Variants in PABPC1 observed in about 807,000 individuals in gnomAD.
PABPC1 encodes polyadenylate-binding protein 1.
Under a neutral mutation model 74.0 loss-of-function variants are expected in PABPC1, and 4 were observed. That is an observed-to-expected ratio of 0.05 (90% CI 0.03 to 0.12). The LOEUF (loss-of-function observed/expected upper bound fraction) is 0.12. Among genes scored for constraint, PABPC1 ranks in the 10% least tolerant of loss-of-function variants. The pLI is 1.00. For synonymous variants in PABPC1, 227 were observed against 264.1 expected, an observed-to-expected ratio of 0.86 and a Z score of 1.36; for missense variants, 271 against 821.1, an observed-to-expected ratio of 0.33 and a Z score of 8.19.
In PABPC1 at chr8:100,715,653, G is replaced by A. The variant is rs73700212; in HGVS notation, c.504-52C>T. On this transcript the variant is annotated intron_variant, in intron 3 of 14. Coordinates refer to ENST00000318607, the MANE Select transcript of PABPC1 (RefSeq NM_002568.4). Reference sequence around the variant, plus strand: ...ATTAGATTCTATTTTATAAAGTTCAGATTAAGTAAGCCTGATGGTTGGTTT... The same window carrying A: ...ATTAGATTCTATTTTATAAAGTTCAAATTAAGTAAGCCTGATGGTTGGTTT... 0.011 allele frequency: 14,194 copies of A among 1,350,512 alleles called. 1,058 individuals are homozygous for A. In the African/African-American group the frequency reaches 0.17, roughly 16 times the overall value. 83.7% of individuals were successfully genotyped at this position (1,350,512 alleles called of 1,614,324 possible). A position where few individuals can be genotyped will look rare whatever the true frequency, so the allele number is the denominator to read the frequency against.
At chr8:100,705,289 A>C (rs967055849) in intron 12 of PABPC1, among the ~76,000 whole-genome samples, 5 of 152,258 alleles carry the variant, frequency 3.3e-5, no homozygotes, top group Non-Finnish European at 4.4e-5. Context: ...TTAGGTTGTT[A>C]AATCGGTGTT....
intron 11 of PABPC1, among the ~76,000 whole-genome samples, 199 bp downstream of exon 11, chr8:100,706,452 C>G (rs1201711463): frequency 6.6e-6 from 1 of 152,008 alleles, no homozygotes; most frequent in Non-Finnish European, 1.5e-5. Flanking sequence ...TGCCACCACA[C>G]CCAGCTAGTT....
At chr8:100,704,264 G>T in intron 14 of PABPC1, 33 bp downstream of exon 14, 2 of 1,500,076 alleles carry the variant, frequency 1.3e-6, no homozygotes, top group Non-Finnish European at 1.9e-6. Flanking sequence ...AAGAAAACAA[G>T]CTTAAAACAA....
chr8:100,712,806 A>G lies in PABPC1; in HGVS notation c.739-17T>C, dbSNP rs543426316. The G allele has an allele frequency of 1.4e-6, 2 of 1,473,272 alleles. No individual in the cohort carries two copies. Among genetic ancestry groups the G allele is most frequent in the Admixed American group, 2.6e-5 (1 of 38,166 alleles). The allele number at this position is 1,473,272 out of a possible 1,614,324, so 91.3% of individuals were successfully genotyped here. A position where few individuals can be genotyped will look rare whatever the true frequency, so the allele number is the denominator to read the frequency against. Reference sequence around the variant, plus strand: ...ATCCACAGCCTTCCCCCCAAAAAAAAAGAAAAAAAAAAAATCACAAAACTT... The same window carrying G: ...ATCCACAGCCTTCCCCCCAAAAAAAGAGAAAAAAAAAAAATCACAAAACTT... On this transcript the variant is annotated splice_polypyrimidine_tract_variant and intron_variant, in intron 5 of 14. Transcript: ENST00000318607.
intron 4 of PABPC1, among the ~76,000 whole-genome samples, chr8:100,713,662 A>AT (rs1810587546): frequency 1.3e-5 from 2 of 151,960 alleles, no homozygotes; most frequent in South Asian, 4.1e-4. Context: ...TGGCTAATTT[A>AT]TTTTTTGTAG....
chr8:100,703,257 T>C lies in PABPC1; in HGVS notation c.*104A>G, dbSNP rs1392535177. On this transcript the variant is annotated 3_prime_UTR_variant, in exon 15 of 15. Coordinates refer to ENST00000318607, the MANE Select transcript of PABPC1 (RefSeq NM_002568.4). ...AGTTTCCTTTCCTTTTTTTATTTATTTTATATTTTGCAATGTTTTTTTTCC... is the reference window on the plus strand; with the variant it reads ...AGTTTCCTTTCCTTTTTTTATTTATCTTATATTTTGCAATGTTTTTTTTCC... The C allele has an allele frequency of 3.0e-5, 5 of 167,286 alleles. No individual in the cohort carries two copies. The highest frequency in any genetic ancestry group is 1.2e-4 in the African/African-American group (5 of 41,508). 10.4% of individuals were successfully genotyped at this position (167,286 alleles called of 1,614,324 possible).
intron 1 of PABPC1, among the ~76,000 whole-genome samples, chr8:100,719,334 T>G (rs1159069386): frequency 6.6e-6 from 1 of 152,106 alleles, no homozygotes; most frequent in East Asian, 1.9e-4. Flanking sequence ...TAGAATATAG[T>G]GATAATCAGC....
At chr8:100,707,924 C>A (rs1810424745) in intron 9 of PABPC1, among the ~76,000 whole-genome samples, 1 of 152,338 alleles carries the variant, frequency 6.6e-6, no homozygotes, top group Admixed American at 6.5e-5. Flanking sequence ...CCTGTCTGGG[C>A]ATAACAGAAG....
At chr8:100,711,286 C>CA (rs1035813248) in intron 7 of PABPC1, among the ~76,000 whole-genome samples, 120 of 143,064 alleles carry the variant, frequency 8.4e-4, no homozygotes, top group Admixed American at 9.8e-4. Context: ...TTAAAAAAGA[C>CA]AAAAAAAAAA....
At chr8:100,714,116 C>T (rs1810601971) in intron 4 of PABPC1, among the ~76,000 whole-genome samples, 1 of 152,094 alleles carries the variant, frequency 6.6e-6, no homozygotes, top group Admixed American at 6.6e-5. Flanking sequence ...GATGTATGGG[C>T]CAAGGCAGAT....
chr8:100,719,096 A>T (rs1490000856), intron 1 of PABPC1, among the ~76,000 whole-genome samples: 2 of 152,236 alleles, frequency 1.3e-5, no homozygotes. Context: ...ATCTACAATT[A>T]ATTTCAGGAT....
chr8:100,715,575 T>G lies in PABPC1; in HGVS notation c.530A>C (p.Lys177Thr), dbSNP rs201994451. 6.2e-7 allele frequency: 1 copy of G among 1,610,764 alleles called. No individual in the cohort carries two copies. The highest frequency in any genetic ancestry group is 8.5e-7 in the Non-Finnish European group (1 of 1,177,674). The change falls in exon 4 of 15, where the codon AAA (lysine) becomes ACA (threonine). Residue 177 changes from lysine to threonine, a missense_variant. Transcript: ENST00000318607. ...KVFVGRFKSR[K>T]EREAELGARA... Reference sequence around the variant, plus strand: ...AGCTCCAAGTTCAGCTTCTCGTTCTTTACGAGACTTAAATCGTCCAACAAA... The same window carrying G: ...AGCTCCAAGTTCAGCTTCTCGTTCTGTACGAGACTTAAATCGTCCAACAAA...
At position 100,721,654 on chromosome 8, in the gene PABPC1, TG is replaced by T; in HGVS notation, c.-72del. ...AGAGGAGGAGAGCGAGTGCCGGGGC[TG>T]GGGGCCGGAGCCGGGGGGAGGGGAG... On this transcript the variant is annotated 5_prime_UTR_variant, in exon 1 of 15. Transcript: ENST00000318607. The surrounding 1 kb of genome is among the most constrained non-coding windows in gnomAD (Gnocchi z 7.4). 3 of 693,952 alleles carry T rather than the reference TG, an allele frequency of 4.3e-6. No individual in the cohort carries two copies. The highest frequency in any genetic ancestry group is 3.8e-6 in the Non-Finnish European group (2 of 530,916). 43.0% of individuals were successfully genotyped at this position (693,952 alleles called of 1,614,324 possible). A position where few individuals can be genotyped will look rare whatever the true frequency, so the allele number is the denominator to read the frequency against.
intron 14 of PABPC1, among the ~76,000 whole-genome samples, chr8:100,703,799 C>G (rs1395873952): frequency 3.9e-5 from 6 of 152,158 alleles, no homozygotes; most frequent in Non-Finnish European, 2.9e-5. Context: ...CCTGTAATTT[C>G]AAGACTTTGG....
Position 100,712,647 on chromosome 8 carries a change from T to C in PABPC1, c.876+5A>G, listed in dbSNP as rs759477475. On this transcript the variant is annotated splice_donor_5th_base_variant and intron_variant, in intron 6 of 14. Transcript: ENST00000318607. ...CTTATTTTGGTTGTTCAATTAAAAA[T>C]GAACCTGGTATCTGGTGATCCTATC... 3.2e-6 allele frequency: 5 copies of C among 1,572,218 alleles called. No individual in the cohort carries two copies. The African/African-American group carries it at 5.5e-5, about 17-fold the overall frequency.
chr8:100,721,288 T>TG lies in PABPC1; in HGVS notation c.193+102_193+103insC. 2 of 428,404 alleles carry TG rather than the reference T, an allele frequency of 4.7e-6. No individual in the cohort carries two copies. Among genetic ancestry groups the TG allele is most frequent in the Non-Finnish European group, 6.5e-6 (2 of 308,782 alleles). The allele number at this position is 428,404 out of a possible 1,614,324, so 26.5% of individuals were successfully genotyped here. A position where few individuals can be genotyped will look rare whatever the true frequency, so the allele number is the denominator to read the frequency against. The stretch of plus-strand genomic sequence containing the variant: ...CCGGCCGTCGCGGGGTGACATGCCC[T>TG]CCCGCCCCCCTCCCCGGGCCCGCCG... On this transcript the variant is annotated intron_variant, in intron 1 of 14. Transcript: ENST00000318607. The surrounding 1 kb of genome is among the most constrained non-coding windows in gnomAD (Gnocchi z 7.4).
chr8:100,704,425 A>G (rs1207745025), intron 13 of PABPC1, 35 bp from the exon 14 acceptor site: 1 of 1,509,808 alleles, frequency 6.6e-7, no homozygotes. Flanking sequence ...CTGGTTCAGG[A>G]AAGGAATGGA....
At chr8:100,720,393 G>GAT (rs1810786889) in intron 1 of PABPC1, among the ~76,000 whole-genome samples, 1 of 152,158 alleles carries the variant, frequency 6.6e-6, no homozygotes, top group South Asian at 2.1e-4. Context: ...CATTTCCCAA[G>GAT]ATTTACAGGT....
In PABPC1 at chr8:100,709,281, T is replaced by C. The variant is rs1469164374; in HGVS notation, c.1246-58A>G. The C allele has an allele frequency of 7.9e-6, 12 of 1,512,738 alleles. No homozygotes were observed. In the African/African-American group the frequency reaches 1.2e-4, roughly 16 times the overall value. The allele number at this position is 1,512,738 out of a possible 1,614,324, so 93.7% of individuals were successfully genotyped here. A position where few individuals can be genotyped will look rare whatever the true frequency, so the allele number is the denominator to read the frequency against. On this transcript the variant is annotated intron_variant, in intron 8 of 14. Coordinates refer to ENST00000318607, the MANE Select transcript of PABPC1 (RefSeq NM_002568.4). ...TTGAAGAAAAAAGCAAATAATGCAA[T>C]AAATTATATGTACTTTTTCAAAACA... is the stretch of plus-strand genomic sequence containing the variant.
Sources: allele counts gnomAD v4.1 joint callset (sites outside exome capture counted in the v4.1 genomes callset), GRCh38; gene constraint gnomAD v4.1.1; non-coding constraint Gnocchi (gnomAD v3.1); transcripts MANE v1.5; gene names NCBI Gene and HGNC (gene_info 2026-07-23, HGNC 2026-07-21).